ENPP6: variants seen among roughly 807,000 people sequenced by gnomAD.
ENPP6 encodes the protein ectonucleotide pyrophosphatase/phosphodiesterase 6.
A neutral mutation model predicts 42.0 loss-of-function variants in ENPP6; 32 were observed. The observed-to-expected ratio is 0.76, with a 90% confidence interval of 0.58 to 1.02. The LOEUF is 1.02. Among genes scored for constraint, ENPP6 ranks in the 50% least tolerant of loss-of-function variants. The pLI is 0.00. For synonymous variants in ENPP6, 213 were observed against 216.0 expected, an observed-to-expected ratio of 0.99 and a Z score of 0.12; for missense variants, 552 against 566.8, an observed-to-expected ratio of 0.97 and a Z score of 0.27.
At chr4:184,093,686 G>A (rs201246901) in intron 7 of ENPP6, among the ~76,000 whole-genome samples, 3 of 88,810 alleles carry the variant, frequency 3.4e-5, no homozygotes, top group South Asian at 4.0e-4. Context: ...TAATAATAAT[G>A]TAAAACCTGT....
chr4:184,117,922 G>A (rs1304797899), intron 3 of ENPP6, 22 bp from the exon 4 acceptor site: 4 of 1,611,034 alleles, frequency 2.5e-6, no homozygotes, highest in Non-Finnish European at 1.7e-6. Flanking sequence ...GAGGAGAGAG[G>A]CATAGGTGAG....
At chr4:184,171,729 ATAGT>A (rs1258076711) in intron 1 of ENPP6, among the ~76,000 whole-genome samples, 2 of 152,252 alleles carry the variant, frequency 1.3e-5, no homozygotes, top group Non-Finnish European at 2.9e-5. Context: ...ACATATTGAT[ATAGT>A]TAGTTATTTA....
chr4:184,168,014 G>A (rs986484480), intron 1 of ENPP6, among the ~76,000 whole-genome samples: 3 of 152,128 alleles, frequency 2.0e-5, no homozygotes, highest in African/African-American at 7.2e-5. Context: ...CGGGAATAGG[G>A]GAGATTTTTG....
At chr4:184,150,803 T>C (rs565693197) in intron 2 of ENPP6, among the ~76,000 whole-genome samples, 1 of 152,204 alleles carries the variant, frequency 6.6e-6, no homozygotes, top group East Asian at 1.9e-4. Context: ...TTCATTTAGG[T>C]CACTGAGGAA....
chr4:184,097,257 C>T lies in ENPP6; in HGVS notation c.1105G>A (p.Ala369Thr). 1 of 1,614,184 alleles carries T rather than the reference C, an allele frequency of 6.2e-7. No individual in the cohort carries two copies. Among genetic ancestry groups the T allele is most frequent in the Non-Finnish European group, 8.5e-7 (1 of 1,180,024 alleles). ...ELMDMRGIFL[A>T]FGPDFKSNFR... ...TTTCCTCGCCTACCAGGTCCGAAGG[C>T]CAGGAAGATGCCCCGCATGTCCATG... Residue 369 changes from alanine to threonine, a missense_variant, in exon 7 of 8, where the codon GCC (alanine) becomes ACC (threonine). Around this residue, in one of 2 missense-constraint regions of ENPP6, gnomAD observed 545 missense variants for 546.3 expected, o/e 1.00. Coordinates refer to ENST00000296741, the MANE Select transcript of ENPP6 (RefSeq NM_153343.4).
intron 2 of ENPP6, among the ~76,000 whole-genome samples, chr4:184,143,221 C>A (rs940665277): frequency 5.3e-5 from 8 of 152,216 alleles, no homozygotes; most frequent in Admixed American, 3.3e-4. Flanking sequence ...GTTGCTGAAC[C>A]TCTTGCCCCT....
At chr4:184,211,535 C>T in intron 1 of ENPP6, among the ~76,000 whole-genome samples, 1 of 152,118 alleles carries the variant, frequency 6.6e-6, no homozygotes, top group Admixed American at 6.5e-5. Context: ...AAGACTAAAC[C>T]AGGAAGGAAT....
intron 1 of ENPP6, among the ~76,000 whole-genome samples, chr4:184,185,724 C>T (rs982613943): frequency 6.6e-6 from 1 of 152,186 alleles, no homozygotes; most frequent in Non-Finnish European, 1.5e-5. Flanking sequence ...GGATTGCCAA[C>T]ATCATGAAGG....
At chr4:184,115,366 A>G (rs1233149757) in intron 5 of ENPP6, among the ~76,000 whole-genome samples, 1 of 152,200 alleles carries the variant, frequency 6.6e-6, no homozygotes, top group Non-Finnish European at 1.5e-5. Context: ...TCGGGGGACA[A>G]GCAGCCAGCA....
chr4:184,193,892 T>C (rs944093131), intron 1 of ENPP6, among the ~76,000 whole-genome samples: 2 of 152,236 alleles, frequency 1.3e-5, no homozygotes, highest in Non-Finnish European at 2.9e-5. Flanking sequence ...TTTTCATTTC[T>C]TATATTCTTT....
intron 3 of ENPP6, among the ~76,000 whole-genome samples, chr4:184,119,925 C>T (rs4426829): frequency 1.7e-3 from 263 of 152,092 alleles, no homozygotes; most frequent in Admixed American, 4.2e-3. Context: ...TGTAGAACTG[C>T]GAGTCAATTA....
intron 6 of ENPP6, among the ~76,000 whole-genome samples, chr4:184,103,964 A>G (rs992426481): frequency 3.3e-5 from 5 of 152,156 alleles, no homozygotes; most frequent in Non-Finnish European, 7.3e-5. Context: ...GGAGTGGAGC[A>G]AAGCGCTGGA....
intron 1 of ENPP6, among the ~76,000 whole-genome samples, chr4:184,201,107 A>G (rs765319997): frequency 1.2e-4 from 18 of 152,134 alleles, no homozygotes; most frequent in Non-Finnish European, 1.9e-4. Context: ...AGTCAAACAC[A>G]GCACGCGCGC....
At chr4:184,200,228 T>A (rs1732869457) in intron 1 of ENPP6, among the ~76,000 whole-genome samples, 1 of 152,170 alleles carries the variant, frequency 6.6e-6, no homozygotes, top group Non-Finnish European at 1.5e-5. Context: ...TTCTCCCAAT[T>A]TTGGCATCTG....
chr4:184,124,290 G>T lies in ENPP6; in HGVS notation c.422-18C>A. Reference sequence around the variant, plus strand: ...CTCACAGCCTGAGAAGGAAAAAGATGGCAAATAGTTACTCTCTTCAATAAG... The same window carrying T: ...CTCACAGCCTGAGAAGGAAAAAGATTGCAAATAGTTACTCTCTTCAATAAG... On this transcript the variant is annotated intron_variant, in intron 2 of 7. Transcript: ENST00000296741. The T allele has an allele frequency of 6.3e-7, 1 of 1,581,228 alleles. No homozygotes were observed.
chr4:184,092,486 C>T (rs944918133), intron 7 of ENPP6, among the ~76,000 whole-genome samples: 6 of 152,138 alleles, frequency 3.9e-5, no homozygotes, highest in South Asian at 2.1e-4. Context: ...GGTGGCCACA[C>T]GCAGCACGGT....
At chr4:184,209,806 G>A (rs1398620699) in intron 1 of ENPP6, among the ~76,000 whole-genome samples, 1 of 146,002 alleles carries the variant, frequency 6.8e-6, no homozygotes. Flanking sequence ...AAGTTGAAAT[G>A]AAGGAAAAAA....
At chr4:184,178,720 T>C (rs1017550483) in intron 1 of ENPP6, among the ~76,000 whole-genome samples, 6 of 152,210 alleles carry the variant, frequency 3.9e-5, no homozygotes, top group African/African-American at 1.2e-4. Flanking sequence ...GGAGCCAATA[T>C]TTAACATTCT....
Position 184,177,126 on chromosome 4 carries a change from G to A in ENPP6, c.242-23393C>T, listed in dbSNP as rs149388888. On this transcript the variant is annotated intron_variant, in intron 1 of 7. Transcript: ENST00000296741. ...TGCCTAAGACTACTGAGTTCACAGG[G>A]GGAGGGGTTGCCACCATCACTGTAG... Among the ~76,000 whole-genome samples the A allele has an allele frequency of 6.6e-5, 10 of 152,296 alleles. No homozygotes were observed. In the East Asian group the frequency reaches 1.9e-3, roughly 29 times the overall value.
Sources: gnomAD v4.1 joint callset for allele counts (sites outside exome capture counted in the v4.1 genomes callset) on GRCh38, gnomAD v4.1.1 for gene constraint, gnomAD v4.1.1 regional missense constraint, MANE v1.5 for transcripts, NCBI Gene and HGNC (gene_info 2026-07-23, HGNC 2026-07-21) for gene names.